The following KIF6 variants were observed in gnomAD, a reference collection of about 807,000 sequenced individuals.
The protein encoded by KIF6 is kinesin-like protein KIF6.
A neutral mutation model predicts 112.7 loss-of-function variants in KIF6; 106 were observed. That is an observed-to-expected ratio of 0.94 (90% CI 0.80 to 1.11). The LOEUF is 1.11. KIF6 is among the 50% of genes least tolerant of loss of function. The pLI is 0.00. For synonymous variants in KIF6, 339 were observed against 339.9 expected, an observed-to-expected ratio of 1.00 and a Z score of 0.03; for missense variants, 929 against 964.0, an observed-to-expected ratio of 0.96 and a Z score of 0.48.
chr6:39,430,800 T>C (rs769956478), intron 14 of KIF6, among the ~76,000 whole-genome samples: 1 of 152,228 alleles, frequency 6.6e-6, no homozygotes, highest in Non-Finnish European at 1.5e-5. Flanking sequence ...GTGAGAATTG[T>C]AAATCACGTT....
In KIF6 at chr6:39,576,648, C is replaced by T. The variant is rs532819947; in HGVS notation, c.1181+1408G>A. 2.6e-5 allele frequency among the ~76,000 whole-genome samples: 4 copies of T among 152,272 alleles called. No homozygotes were observed. In the East Asian group the frequency reaches 5.8e-4, roughly 22 times the overall value. ...TTCAGTGGCTGCAGCGGCTGTCACA[C>T]AGCACTCAGTATGGTCTAGCTTCTG... is the stretch of plus-strand genomic sequence containing the variant. On this transcript the variant is annotated intron_variant, in intron 10 of 22. Transcript: ENST00000287152.
chr6:39,358,520 C>T (rs1474187245), intron 18 of KIF6, among the ~76,000 whole-genome samples: 1 of 152,250 alleles, frequency 6.6e-6, no homozygotes, highest in Admixed American at 6.5e-5. Context: ...GTAAGTCATA[C>T]ACTGTCTGAA....
At chr6:39,403,980 C>T (rs188868606) in intron 15 of KIF6, among the ~76,000 whole-genome samples, 2 of 152,056 alleles carry the variant, frequency 1.3e-5, no homozygotes, top group East Asian at 3.9e-4. Flanking sequence ...CCTTTTGCAC[C>T]CCCACCATTT....
At chr6:39,346,152 T>C (rs1763785212) in intron 20 of KIF6, among the ~76,000 whole-genome samples, 2 of 129,740 alleles carry the variant, frequency 1.5e-5, no homozygotes, top group African/African-American at 5.7e-5. Context: ...TCTCTCTCTC[T>C]CTCTCTCTCT....
chr6:39,514,583 C>A (rs1211324730), intron 13 of KIF6, among the ~76,000 whole-genome samples: 1 of 152,116 alleles, frequency 6.6e-6, no homozygotes, highest in African/African-American at 2.4e-5. Context: ...AATAACCTTG[C>A]AATACAAAGA....
chr6:39,370,048 C>T (rs1277567563), intron 16 of KIF6, among the ~76,000 whole-genome samples: 1 of 152,224 alleles, frequency 6.6e-6, no homozygotes, highest in East Asian at 1.9e-4. Context: ...CTCTCTCCTC[C>T]ATTGGAAGTG....
intron 15 of KIF6, among the ~76,000 whole-genome samples, chr6:39,390,048 A>AAAAAG (rs1554206216): frequency 1.2e-4 from 17 of 137,304 alleles, no homozygotes; most frequent in African/African-American, 2.8e-4. Flanking sequence ...AAAAAAAAAA[A>AAAAAG]AAAAGGAAAT....
chr6:39,338,389 C>T (rs72858483), intron 22 of KIF6, among the ~76,000 whole-genome samples: 2,203 of 152,346 alleles, frequency 0.014, 38 homozygotes, highest in Admixed American at 0.018. Context: ...TAATTCACGG[C>T]TGTGAGCCCT....
At chr6:39,349,573 T>A (rs926659275) in intron 19 of KIF6, among the ~76,000 whole-genome samples, 1 of 140,770 alleles carries the variant, frequency 7.1e-6, no homozygotes, top group Non-Finnish European at 1.5e-5. Flanking sequence ...GAGCAGTGGG[T>A]GGAAGGAAGA....
chr6:39,443,539 G>T (rs1772098092), intron 13 of KIF6, among the ~76,000 whole-genome samples: 1 of 151,940 alleles, frequency 6.6e-6, no homozygotes, highest in Non-Finnish European at 1.5e-5. Context: ...TGCTTCCCAG[G>T]GTCAAGCAAT....
intron 13 of KIF6, among the ~76,000 whole-genome samples, chr6:39,468,767 GA>G (rs60906466): frequency 9.1e-4 from 130 of 143,014 alleles, no homozygotes; most frequent in African/African-American, 2.7e-3. Flanking sequence ...AATTCCACAT[GA>G]AAAAAAAAAG....
intron 13 of KIF6, among the ~76,000 whole-genome samples, chr6:39,503,748 T>C (rs1395608954): frequency 6.7e-6 from 1 of 149,802 alleles, no homozygotes; most frequent in Non-Finnish European, 1.5e-5. Context: ...AATTCCTGAA[T>C]ACATACACCC....
chr6:39,535,178 C>T (rs1327837232), intron 13 of KIF6, among the ~76,000 whole-genome samples: 4 of 152,146 alleles, frequency 2.6e-5, no homozygotes, highest in Non-Finnish European at 4.4e-5. Flanking sequence ...AACCAGCTGA[C>T]ATCATAATGA....
At chr6:39,575,393 C>G (rs978201052) in intron 10 of KIF6, among the ~76,000 whole-genome samples, 4 of 151,964 alleles carry the variant, frequency 2.6e-5, no homozygotes, top group Admixed American at 2.6e-4. Flanking sequence ...GTCTCAGCCT[C>G]CCGAGTAGCT....
intron 13 of KIF6, among the ~76,000 whole-genome samples, chr6:39,497,945 C>G (rs902691866): frequency 6.6e-6 from 1 of 152,152 alleles, no homozygotes; most frequent in Non-Finnish European, 1.5e-5. Context: ...AAGAAACGTT[C>G]TGTCCTATAA....
At chr6:39,700,348 T>G (rs552192660) in intron 3 of KIF6, among the ~76,000 whole-genome samples, 1 of 152,360 alleles carries the variant, frequency 6.6e-6, no homozygotes, top group African/African-American at 2.4e-5. Context: ...GTGACAACAT[T>G]AAGGTAAATT....
intron 15 of KIF6, among the ~76,000 whole-genome samples, chr6:39,406,848 A>G (rs1769121667): frequency 6.6e-6 from 1 of 152,190 alleles, no homozygotes; most frequent in Admixed American, 6.5e-5. Flanking sequence ...TCCTGGGCTC[A>G]AGAAATCCTC....
rs1766137273 is a variant in KIF6 at position 39,372,976 on chromosome 6, G to A, written c.1862-10458C>T. On this transcript the variant is annotated intron_variant, in intron 16 of 22. Coordinates refer to ENST00000287152, the MANE Select transcript of KIF6 (RefSeq NM_145027.6). ...ACCCAACTCCATTACACATGCAACA[G>A]AACTGTTCCTAGGAAACACCGAGGC... is the stretch of plus-strand genomic sequence containing the variant. 2.0e-5 allele frequency among the ~76,000 whole-genome samples: 3 copies of A among 152,268 alleles called. No individual in the cohort carries two copies. In the South Asian group the frequency reaches 6.2e-4, roughly 32 times the overall value.
intron 3 of KIF6, among the ~76,000 whole-genome samples, chr6:39,694,188 T>C (rs561378111): frequency 8.8e-4 from 132 of 150,528 alleles, no homozygotes; most frequent in African/African-American, 3.1e-3. Context: ...AAAAGCCATC[T>C]ATGACAAACC....
Sources: gnomAD v4.1 joint callset for allele counts (sites outside exome capture counted in the v4.1 genomes callset) on GRCh38, gnomAD v4.1.1 for gene constraint, MANE v1.5 for transcripts, NCBI Gene and HGNC (gene_info 2026-07-23, HGNC 2026-07-21) for gene names.